PAX6: variants seen among roughly 807,000 people sequenced by gnomAD.
PAX6 encodes paired box 6, also known as paired box protein Pax-6.
In PAX6, 7 loss-of-function variants were observed where a neutral mutation model predicts 60.7. The observed-to-expected ratio is 0.12, with a 90% confidence interval of 0.07 to 0.22. The LOEUF (loss-of-function observed/expected upper bound fraction) is 0.22. Ranked by LOEUF, PAX6 falls within the 10% of genes least tolerant of loss-of-function variation. PAX6 has a pLI of 1.00. For missense variants in PAX6, 355 were observed against 555.2 expected, an observed-to-expected ratio of 0.64 and a Z score of 3.62; for synonymous variants, 208 against 201.2, an observed-to-expected ratio of 1.03 and a Z score of -0.29.
At position 31,802,986 on chromosome 11, in the gene PAX6, G is replaced by GACA. The variant is rs1954613952; in HGVS notation, c.11-155_11-153dup. On this transcript the variant is annotated intron_variant, in intron 4 of 13. Transcript: ENST00000640368. ...AAGAGGAAGAAGGAGAGGAGGAGGA[G>GACA]ACAACCACAATGCATCCTCATCCCC... 6.6e-6 allele frequency: 5 copies of GACA among 756,678 alleles called. No homozygotes were observed. The Admixed American group carries it at 8.4e-5, about 13-fold the overall frequency. 46.9% of individuals were successfully genotyped at this position (756,678 alleles called of 1,614,324 possible).
At chr11:31,814,601 C>T (rs1015591796), upstream of PAX6, 10 of 152,274 alleles carry the variant, frequency 6.6e-5, no homozygotes, top group Admixed American at 5.9e-4. Flanking sequence ...TTTGTAGTGC[C>T]CCAAACGTCT....
intron 9 of PAX6, chr11:31,794,420 C>CCACACA (rs10525266): frequency 3.3e-5 from 17 of 518,436 alleles, no homozygotes; most frequent in East Asian, 7.2e-5. Flanking sequence ...CACACACACA[C>CCACACA]CACACACACA....
In PAX6 at chr11:31,793,298, C is replaced by T. The variant is rs762059600; in HGVS notation, c.1074+140G>A. 27 of 750,640 alleles carry T rather than the reference C, an allele frequency of 3.6e-5. No homozygotes were observed. Among genetic ancestry groups the T allele is most frequent in the African/African-American group, 1.5e-4 (9 of 58,494 alleles). The allele number at this position is 750,640 out of a possible 1,614,324, so 46.5% of individuals were successfully genotyped here. On this transcript the variant is annotated intron_variant, in intron 12 of 13. Coordinates refer to ENST00000640368, the MANE Select transcript of PAX6 (RefSeq NM_001368894.2). The stretch of plus-strand genomic sequence containing the variant: ...TAAAAGTGATGGGATTGACTGTCTC[C>T]GACTTGACTGGTCAAGCCAATCACT...
At chr11:31,810,294 G>T (rs1192204378) in intron 2 of PAX6, 2 of 152,256 alleles carry the variant, frequency 1.3e-5, no homozygotes, top group African/African-American at 4.8e-5. Context: ...CCCGAGGGCC[G>T]GCGGGCGGGC....
At position 31,789,911 on chromosome 11, in the gene PAX6, CCTTT is replaced by C; in HGVS notation, c.*19_*22del. On this transcript the variant is annotated 3_prime_UTR_variant, in exon 14 of 14. Transcript: ENST00000640368. ...ACTGAATTAACACAATATTTCCTTTCCTTTTTTTTTTTTTTTTTTTTTTTACTGT... is the reference window on the plus strand; with the variant it reads ...ACTGAATTAACACAATATTTCCTTTCTTTTTTTTTTTTTTTTTTTTACTGT... 2 of 1,272,746 alleles carry C rather than the reference CCTTT, an allele frequency of 1.6e-6. No homozygotes were observed. The highest frequency in any genetic ancestry group is 1.3e-5 in the South Asian group (1 of 74,958). The allele number at this position is 1,272,746 out of a possible 1,614,324, so 78.8% of individuals were successfully genotyped here.
At chr11:31,800,939 A>C in intron 7 of PAX6, 83 bp from the exon 8 acceptor site, 1 of 1,427,902 alleles carries the variant, frequency 7.0e-7, no homozygotes, top group South Asian at 1.2e-5. Flanking sequence ...ACAACCTTAA[A>C]AAGCAACTCT....
intron 4 of PAX6, chr11:31,803,155 G>C: frequency 2.4e-6 from 1 of 417,382 alleles, no homozygotes; most frequent in South Asian, 2.2e-5. Flanking sequence ...GCAACACAGA[G>C]TCAGACACAT....
rs574943290 is a variant in PAX6 at position 31,790,074 on chromosome 11, T to C, written c.1226-55A>G. ...AGATATTCCCTTTGAGAAACAGACA[T>C]GGAATACAAATTTATAGGTTTACAA... On this transcript the variant is annotated intron_variant, in intron 13 of 13. Coordinates refer to ENST00000640368, the MANE Select transcript of PAX6 (RefSeq NM_001368894.2). 4.6e-5 allele frequency: 22 copies of C among 481,776 alleles called. No homozygotes were observed. The South Asian group carries it at 5.2e-4, about 11-fold the overall frequency. The allele number at this position is 481,776 out of a possible 1,614,324, so 29.8% of individuals were successfully genotyped here. A position where few individuals can be genotyped will look rare whatever the true frequency, so the allele number is the denominator to read the frequency against.
At chr11:31,799,962 C>A (rs1489107801) in intron 8 of PAX6, among the ~76,000 whole-genome samples, 1 of 149,696 alleles carries the variant, frequency 6.7e-6, no homozygotes, top group Admixed American at 6.6e-5. Context: ...CCCACCCCCC[C>A]CATCCCCCGC....
At chr11:31,810,759 G>A (rs1592654070) in intron 2 of PAX6, 69 bp downstream of exon 2, 1 of 398,454 alleles carries the variant, frequency 2.5e-6, no homozygotes, top group Non-Finnish European at 4.4e-6. Flanking sequence ...GGAAGGAAGG[G>A]GGGAGGAAGG....
chr11:31,794,913 G>A, intron 8 of PAX6, 125 bp from the exon 9 acceptor site: 11 of 851,730 alleles, frequency 1.3e-5, no homozygotes, highest in Non-Finnish European at 2.1e-5. Context: ...ACATTCCCAA[G>A]GTAACTGTCA....
At chr11:31,813,121 C>T (rs973629412), upstream of PAX6, 3 of 152,200 alleles carry the variant, frequency 2.0e-5, no homozygotes, top group Admixed American at 6.5e-5. Context: ...AACCCTTCCC[C>T]GGGAGCTCGC....
intron 8 of PAX6, among the ~76,000 whole-genome samples, chr11:31,799,658 C>G (rs893048434): frequency 1.3e-5 from 2 of 152,134 alleles, no homozygotes; most frequent in East Asian, 3.9e-4. Flanking sequence ...TACCGATTTT[C>G]CCTTCCCTCG....
At chr11:31,809,052 T>C (rs765966381) in intron 2 of PAX6, among the ~76,000 whole-genome samples, 1 of 152,212 alleles carries the variant, frequency 6.6e-6, no homozygotes, top group Non-Finnish European at 1.5e-5. Flanking sequence ...AGTTTTCAAA[T>C]GCTGTTCTTT....
chr11:31,809,419 A>C (rs771559877), intron 2 of PAX6: 4 of 152,226 alleles, frequency 2.6e-5, no homozygotes, highest in Non-Finnish European at 5.9e-5. Context: ...GAGTATAAGA[A>C]AAATAAAAAG....
At chr11:31,809,200 A>AAGAT (rs2135373924) in intron 2 of PAX6, 1 of 152,346 alleles carries the variant, frequency 6.6e-6, no homozygotes, top group African/African-American at 2.4e-5. Context: ...AGGGCCAAAT[A>AAGAT]AGATAACAAC....
At chr11:31,793,132 G>T (rs1041623827) in intron 12 of PAX6, 3 of 607,820 alleles carry the variant, frequency 4.9e-6, no homozygotes, top group Admixed American at 5.6e-5. Context: ...CTGGTGCAAG[G>T]CTCCCTGGTA....
chr11:31,790,626 C>G, intron 13 of PAX6, 84 bp downstream of exon 13: 1 of 1,595,410 alleles, frequency 6.3e-7, no homozygotes. Flanking sequence ...ACACGCCCTC[C>G]CATAAGACCA....
Position 31,794,747 on chromosome 11 carries a change from A to G in PAX6, c.607T>C (p.Ser203Pro). Residue 203 changes from serine to proline, a missense_variant, in exon 9 of 14, where the codon TCC becomes CCC. Transcript: ENST00000640368. ...GAATCTTCTCCGTTGGAACTGATGG[A>G]GTTGGTATTCTCTCCCCCTCCTTCC... ...QQEGGGENTN[S>P]ISSNGEDSDE... The G allele has an allele frequency of 1.2e-6, 2 of 1,614,078 alleles. No homozygotes were observed. The highest frequency in any genetic ancestry group is 1.7e-6 in the Non-Finnish European group (2 of 1,179,996).
Sources: gnomAD v4.1 joint callset for allele counts (sites outside exome capture counted in the v4.1 genomes callset) on GRCh38, gnomAD v4.1.1 for gene constraint, MANE v1.5 for transcripts, NCBI Gene and HGNC (gene_info 2026-07-23, HGNC 2026-07-21) for gene names.